The following AK4 variants were observed in gnomAD, a reference collection of about 807,000 sequenced individuals.
AK4 encodes adenylate kinase 4.
In AK4, 13 loss-of-function variants were observed where a neutral mutation model predicts 24.6. That is an observed-to-expected ratio of 0.53 (90% CI 0.34 to 0.84). AK4 has a LOEUF of 0.84. Among genes scored for constraint, AK4 ranks in the 40% least tolerant of loss-of-function variants. AK4 has a pLI of 0.01. For synonymous variants in AK4, 88 were observed against 107.0 expected, an observed-to-expected ratio of 0.82 and a Z score of 1.10; for missense variants, 192 against 288.2, an observed-to-expected ratio of 0.67 and a Z score of 2.42.
chr1:65,166,645 CCCATG>C (rs1650339950), intron 1 of AK4, among the ~76,000 whole-genome samples: 2 of 152,152 alleles, frequency 1.3e-5, no homozygotes, highest in African/African-American at 2.4e-5. Flanking sequence ...ACCTCCGTTT[CCCATG>C]TAGCCAGGAC....
At chr1:65,190,510 T>C (rs1651271375) in intron 1 of AK4, among the ~76,000 whole-genome samples, 200 bp from the exon 2 acceptor site, 1 of 152,118 alleles carries the variant, frequency 6.6e-6, no homozygotes, top group Non-Finnish European at 1.5e-5. Context: ...TTTATAATTT[T>C]TTGGGAGATA....
At chr1:65,201,493 T>C (rs1383079024) in intron 2 of AK4, among the ~76,000 whole-genome samples, 1 of 152,200 alleles carries the variant, frequency 6.6e-6, no homozygotes, top group Non-Finnish European at 1.5e-5. Flanking sequence ...TATACACATA[T>C]TTGACTGGAC....
chr1:65,215,849 ATG>A (rs1652113404), intron 2 of AK4, among the ~76,000 whole-genome samples: 1 of 152,164 alleles, frequency 6.6e-6, no homozygotes, highest in Admixed American at 6.5e-5. Context: ...GGAGGAACTA[ATG>A]TTATGTTATC....
rs371378272 is a variant in AK4 at position 65,167,987 on chromosome 1, A to G, written c.145+19435A>G. ...TGACTTAAGTTGTCTTTTTTTCCCCAAGAAAAATAGCCCCAGTTCTCTCTA... is the reference window on the plus strand; with the variant it reads ...TGACTTAAGTTGTCTTTTTTTCCCCGAGAAAAATAGCCCCAGTTCTCTCTA... On this transcript the variant is annotated intron_variant, in intron 1 of 4. Coordinates refer to ENST00000327299, the MANE Select transcript of AK4 (RefSeq NM_013410.4). Among the ~76,000 whole-genome samples, 18 of 152,166 alleles carry G rather than the reference A, an allele frequency of 1.2e-4. No homozygotes were observed. The East Asian group carries it at 1.3e-3, about 11-fold the overall frequency.
At chr1:65,206,466 A>G (rs1651814756) in intron 2 of AK4, among the ~76,000 whole-genome samples, 1 of 152,250 alleles carries the variant, frequency 6.6e-6, no homozygotes, top group Non-Finnish European at 1.5e-5. Flanking sequence ...ACAAGCAAGC[A>G]GGCCGGACGC....
intron 1 of AK4, among the ~76,000 whole-genome samples, chr1:65,178,711 GT>G (rs1164743084): frequency 6.6e-6 from 1 of 152,146 alleles, no homozygotes; most frequent in Non-Finnish European, 1.5e-5. Flanking sequence ...TGGACCTGAG[GT>G]CAGATTGGGG....
At chr1:65,154,964 ACTCAG>A (rs1299105973) in intron 1 of AK4, among the ~76,000 whole-genome samples, 10 of 151,046 alleles carry the variant, frequency 6.6e-5, no homozygotes, top group Non-Finnish European at 1.3e-4. Context: ...AATTCTCCTG[ACTCAG>A]CTTCCCAAGT....
chr1:65,152,374 ATATATATATATTTTTTTTTTTTTTT>A (rs1649816037), intron 1 of AK4, among the ~76,000 whole-genome samples: 3 of 68,982 alleles, frequency 4.3e-5, no homozygotes, highest in African/African-American at 1.5e-4. Context: ...ATATATATAT[ATATATATATATTTTTTTTTTTTTTT>A]TTTTTTTTTT....
chr1:65,175,945 T>C (rs1224020712), intron 1 of AK4, among the ~76,000 whole-genome samples: 1 of 152,234 alleles, frequency 6.6e-6, no homozygotes. Flanking sequence ...ATGGTGTGTT[T>C]ATGAATGCAT....
intron 1 of AK4, among the ~76,000 whole-genome samples, chr1:65,187,558 A>AT (rs2101035932): frequency 6.6e-6 from 1 of 152,326 alleles, no homozygotes; most frequent in South Asian, 2.1e-4. Flanking sequence ...TGAGTCCTAC[A>AT]TTTAAAAATG....
At position 65,230,778 on chromosome 1, in the gene AK4, G is replaced by A. The variant is rs944729239; in HGVS notation, c.*4601G>A. 5 of 152,136 alleles carry A rather than the reference G, an allele frequency of 3.3e-5. No individual in the cohort carries two copies. Among genetic ancestry groups the A allele is most frequent in the Admixed American group, 3.3e-4 (5 of 15,268 alleles). 9.4% of individuals were successfully genotyped at this position (152,136 alleles called of 1,614,324 possible). On this transcript the variant is annotated 3_prime_UTR_variant, in exon 5 of 5. Transcript: ENST00000327299. ...TGCTTTGGTGCAGAGACAGGAAATG[G>A]GCACTCAGAGTCACACTGGTAGTTG...
intron 2 of AK4, among the ~76,000 whole-genome samples, chr1:65,216,576 G>A (rs571205417): frequency 4.0e-5 from 5 of 124,134 alleles, no homozygotes; most frequent in Non-Finnish European, 7.6e-5. Context: ...AGAGGTTTGC[G>A]GGGAAAGAGT....
chr1:65,152,313 G>GCTCTCTCTCTCT (rs1557434175), intron 1 of AK4, among the ~76,000 whole-genome samples: 1 of 62,892 alleles, frequency 1.6e-5, no homozygotes, highest in African/African-American at 6.5e-5. Flanking sequence ...TTCTGCACTT[G>GCTCTCTCTCTCT]CTATCTCTCT....
chr1:65,170,519 T>C (rs1279094664), intron 1 of AK4, among the ~76,000 whole-genome samples: 2 of 152,244 alleles, frequency 1.3e-5, no homozygotes, highest in African/African-American at 4.8e-5. Context: ...TGCACTTAGC[T>C]TATGCGTAGA....
chr1:65,181,409 T>TA (rs1650901633), intron 1 of AK4, among the ~76,000 whole-genome samples: 1 of 152,056 alleles, frequency 6.6e-6, no homozygotes, highest in Non-Finnish European at 1.5e-5. Flanking sequence ...CCTTTTTTTT[T>TA]TTTTTGAGAC....
intron 2 of AK4, among the ~76,000 whole-genome samples, chr1:65,194,837 C>G (rs1257022944): frequency 6.6e-6 from 1 of 152,164 alleles, no homozygotes; most frequent in Non-Finnish European, 1.5e-5. Context: ...ATCAGAATTG[C>G]CCTTGATGCA....
At chr1:65,180,783 C>T (rs1388533962) in intron 1 of AK4, among the ~76,000 whole-genome samples, 1 of 152,150 alleles carries the variant, frequency 6.6e-6, no homozygotes, top group Non-Finnish European at 1.5e-5. Context: ...TTTGACCAGG[C>T]CCCTTGAGAT....
intron 4 of AK4, among the ~76,000 whole-genome samples, chr1:65,225,241 T>C (rs1328143402): frequency 6.6e-6 from 1 of 152,156 alleles, no homozygotes; most frequent in Non-Finnish European, 1.5e-5. Flanking sequence ...AGACACTTGG[T>C]GTGTCCCTTC....
chr1:65,213,854 G>A (rs928931143), intron 2 of AK4, among the ~76,000 whole-genome samples: 1 of 152,160 alleles, frequency 6.6e-6, no homozygotes, highest in Admixed American at 6.5e-5. Context: ...CTTCAAATGA[G>A]GTCATTAGGG....
Sources: gnomAD v4.1 joint callset for allele counts (sites outside exome capture counted in the v4.1 genomes callset) on GRCh38, gnomAD v4.1.1 for gene constraint, MANE v1.5 for transcripts, NCBI Gene and HGNC (gene_info 2026-07-23, HGNC 2026-07-21) for gene names.